TMEM132C: variants seen among roughly 807,000 people sequenced by gnomAD.
TMEM132C encodes protein phosphatase 1, regulatory subunit 152.
In TMEM132C, 29 loss-of-function variants were observed where a neutral mutation model predicts 61.4. That is an observed-to-expected ratio of 0.47 (90% CI 0.35 to 0.64). TMEM132C has a LOEUF of 0.64. TMEM132C is among the 30% of genes least tolerant of loss of function. The pLI is 0.00. For synonymous variants in TMEM132C, 656 were observed against 633.1 expected (o/e 1.04, Z -0.54); for missense variants, 1,408 against 1,476.9 (o/e 0.95, Z 0.76).
At chr12:128,349,803 A>G (rs1218259512) in intron 1 of TMEM132C, among the ~76,000 whole-genome samples, 3 of 152,070 alleles carry the variant, frequency 2.0e-5, no homozygotes, top group African/African-American at 7.2e-5. Context: ...TAGAATGTCT[A>G]CTTGTAGGTA....
intron 1 of TMEM132C, among the ~76,000 whole-genome samples, chr12:128,270,031 T>C (rs1870458666): frequency 6.6e-6 from 1 of 152,148 alleles, no homozygotes; most frequent in African/African-American, 2.4e-5. Flanking sequence ...AAGAAAGAAA[T>C]CTTTTCCTAA....
At chr12:128,399,626 G>A (rs1307412851) in intron 1 of TMEM132C, among the ~76,000 whole-genome samples, 1 of 152,064 alleles carries the variant, frequency 6.6e-6, no homozygotes, top group Non-Finnish European at 1.5e-5. Flanking sequence ...AAATCAGATT[G>A]TAAAATGCAC....
At chr12:128,449,118 C>G (rs1268993499) in intron 2 of TMEM132C, among the ~76,000 whole-genome samples, 2 of 113,378 alleles carry the variant, frequency 1.8e-5, no homozygotes, top group African/African-American at 7.3e-5. Context: ...GCCTGGGAGG[C>G]AGAGCGAGAC....
At chr12:128,606,152 G>C (rs1027132) in intron 3 of TMEM132C, among the ~76,000 whole-genome samples, 3,922 of 152,324 alleles carry the variant, frequency 0.026, 329 homozygotes, top group East Asian at 0.21. Context: ...TTCCTGAAGT[G>C]TGACCTAATT....
In TMEM132C at chr12:128,566,189, C is replaced by CAAAAAAAAAAAAAAAAAAAAAAAA. The variant is rs59258589; in HGVS notation, c.1121+22104_1121+22105insAAAAAAAAAAAAAAAAAAAAAAAA. 2.5e-4 allele frequency among the ~76,000 whole-genome samples: 17 copies of CAAAAAAAAAAAAAAAAAAAAAAAA among 67,824 alleles called. 1 individual carries two copies. Among genetic ancestry groups the CAAAAAAAAAAAAAAAAAAAAAAAA allele is most frequent in the East Asian group, 1.4e-3 (3 of 2,188 alleles). 44.5% of individuals were successfully genotyped at this position (67,824 alleles called of 152,430 possible). On this transcript the variant is annotated intron_variant, in intron 3 of 8. Coordinates refer to ENST00000435159, the MANE Select transcript of TMEM132C (RefSeq NM_001136103.3). ...ATAGGCATGAGACACCAAGCCTAAC[C>CAAAAAAAAAAAAAAAAAAAAAAAA]AAAAAAAAAAAAAAAAAAGTTTTAA...
intron 2 of TMEM132C, among the ~76,000 whole-genome samples, chr12:128,455,967 T>C (rs1453708616): frequency 6.6e-6 from 1 of 152,190 alleles, no homozygotes; most frequent in Admixed American, 6.5e-5. Context: ...GAGATTTCAG[T>C]CTTGTACTCT....
chr12:128,643,889 ATGAACT>A (rs1280303189), intron 4 of TMEM132C, among the ~76,000 whole-genome samples: 11 of 152,144 alleles, frequency 7.2e-5, no homozygotes, highest in African/African-American at 2.2e-4. Context: ...TAATGGCTCG[ATGAACT>A]TGAGCCAAAA....
At chr12:128,543,138 T>C (rs1873820181) in intron 2 of TMEM132C, among the ~76,000 whole-genome samples, 2 of 152,218 alleles carry the variant, frequency 1.3e-5, no homozygotes, top group Admixed American at 1.3e-4. Context: ...CTTTGTTTTT[T>C]GGTCCCTGAC....
intron 1 of TMEM132C, among the ~76,000 whole-genome samples, chr12:128,395,933 T>C (rs1222595621): frequency 6.6e-6 from 1 of 152,224 alleles, no homozygotes; most frequent in East Asian, 1.9e-4. Flanking sequence ...ACTTACCTAA[T>C]ACAGACATTT....
At chr12:128,606,998 T>A (rs1593118040) in intron 3 of TMEM132C, among the ~76,000 whole-genome samples, 1 of 151,894 alleles carries the variant, frequency 6.6e-6, no homozygotes, top group Non-Finnish European at 1.5e-5. Flanking sequence ...ACAAATACGA[T>A]GAATAAGGAA....
rs1565902082 is a variant in TMEM132C at position 128,326,754 on chromosome 12, G to GTAGCTGGGACTACAGGTGCCCACCACC, written c.85+59267_85+59268insTAGCTGGGACTACAGGTGCCCACCACC. ...GGCAGAGAAGTTTCGAGATTCATCA[G>GTAGCTGGGACTACAGGTGCCCACCACC]ATGTCTTTATGGCTCCCACATCTCG... On this transcript the variant is annotated intron_variant, in intron 1 of 8. Coordinates refer to ENST00000435159, the MANE Select transcript of TMEM132C (RefSeq NM_001136103.3). This position sits in a 1 kb window ranked among gnomAD's most constrained non-coding sequence, Gnocchi z 5.6. Among the ~76,000 whole-genome samples the GTAGCTGGGACTACAGGTGCCCACCACC allele has an allele frequency of 8.4e-4, 127 of 150,578 alleles. 3 individuals are homozygous for GTAGCTGGGACTACAGGTGCCCACCACC. Among genetic ancestry groups the GTAGCTGGGACTACAGGTGCCCACCACC allele is most frequent in the African/African-American group, 2.9e-3 (117 of 39,888 alleles).
chr12:128,638,141 T>C lies in TMEM132C; in HGVS notation c.1305+21806T>C, dbSNP rs187962820. On this transcript the variant is annotated intron_variant, in intron 4 of 8. Coordinates refer to ENST00000435159, the MANE Select transcript of TMEM132C (RefSeq NM_001136103.3). ...TGGATAACCCTCTTAGCTCTGTGAGTGACTGAAGGCTAAATAATGAGTCAT... is the reference window on the plus strand; with the variant it reads ...TGGATAACCCTCTTAGCTCTGTGAGCGACTGAAGGCTAAATAATGAGTCAT... Among the ~76,000 whole-genome samples the C allele has an allele frequency of 6.1e-3, 926 of 152,282 alleles. 11 individuals carry two copies. Among genetic ancestry groups the C allele is most frequent in the Non-Finnish European group, 7.3e-3 (495 of 68,014 alleles).
Position 128,326,219 on chromosome 12 carries a change from C to T in TMEM132C, c.85+58732C>T, listed in dbSNP as rs1872510961. Among the ~76,000 whole-genome samples the T allele has an allele frequency of 6.6e-6, 1 of 152,014 alleles. No individual in the cohort carries two copies. Among genetic ancestry groups the T allele is most frequent in the African/African-American group, 2.4e-5 (1 of 41,362 alleles). ...TCAAATTGCAAAAGAGGCAGTAAGA[C>T]AAAAATCTGTCTTGGTTTGAGCACC... On this transcript the variant is annotated intron_variant, in intron 1 of 8. Coordinates refer to ENST00000435159, the MANE Select transcript of TMEM132C (RefSeq NM_001136103.3). The surrounding 1 kb of genome is among the most constrained non-coding windows in gnomAD (Gnocchi z 5.6).
chr12:128,542,859 C>CAAAAAAA (rs59362697), intron 2 of TMEM132C, among the ~76,000 whole-genome samples: 1 of 81,588 alleles, frequency 1.2e-5, no homozygotes. Context: ...TACTTCGATG[C>CAAAAAAA]AAAAAAAAAA....
chr12:128,621,927 A>T (rs1358603345), intron 4 of TMEM132C, among the ~76,000 whole-genome samples: 1 of 152,108 alleles, frequency 6.6e-6, no homozygotes, highest in East Asian at 1.9e-4. Flanking sequence ...CACTCCCTCC[A>T]GTTAAACCAC....
intron 3 of TMEM132C, among the ~76,000 whole-genome samples, chr12:128,575,635 A>G (rs2136176145): frequency 6.6e-6 from 1 of 152,358 alleles, no homozygotes; most frequent in Admixed American, 6.5e-5. Flanking sequence ...TGAAAAGCTG[A>G]CTTTTATACA....
chr12:128,427,880 G>A (rs1593049815), intron 2 of TMEM132C, among the ~76,000 whole-genome samples: 1 of 152,196 alleles, frequency 6.6e-6, no homozygotes, highest in African/African-American at 2.4e-5. Flanking sequence ...TCTTGATGAA[G>A]GCTTCTTTCT....
chr12:128,423,293 G>C (rs933684458), intron 2 of TMEM132C, among the ~76,000 whole-genome samples: 1 of 152,112 alleles, frequency 6.6e-6, no homozygotes, highest in Non-Finnish European at 1.5e-5. Context: ...GGGACCTCCT[G>C]GTTCATTAGT....
intron 1 of TMEM132C, among the ~76,000 whole-genome samples, chr12:128,389,031 C>A (rs1435384894): frequency 6.6e-6 from 1 of 152,136 alleles, no homozygotes; most frequent in Non-Finnish European, 1.5e-5. Flanking sequence ...CTGCAAGAGT[C>A]CCCCTGGGAG....
Sources: gnomAD v4.1 joint callset for allele counts (sites outside exome capture counted in the v4.1 genomes callset) on GRCh38, gnomAD v4.1.1 for gene constraint, Gnocchi (gnomAD v3.1) non-coding constraint, MANE v1.5 for transcripts, NCBI Gene and HGNC (gene_info 2026-07-23, HGNC 2026-07-21) for gene names.